Variants in HMMR observed in about 807,000 individuals in gnomAD.
HMMR encodes hyaluronan mediated motility receptor.
Under a neutral mutation model 101.0 loss-of-function variants are expected in HMMR, and 108 were observed. That is an observed-to-expected ratio of 1.07 (90% CI 0.92 to 1.25). The LOEUF (loss-of-function observed/expected upper bound fraction) is 1.25, where lower values mean the gene tolerates loss of function less well. Among genes scored for constraint, HMMR ranks in the 50% most tolerant of loss-of-function variants. The pLI is 0.00. For missense variants in HMMR, 813 were observed against 788.7 expected, an observed-to-expected ratio of 1.03 and a Z score of -0.37; for synonymous variants, 296 against 276.4, an observed-to-expected ratio of 1.07 and a Z score of -0.70.
At position 163,473,455 on chromosome 5, in the gene HMMR, G is replaced by A. The variant is rs754759215; in HGVS notation, c.802G>A (p.Glu268Lys). Residue 268 changes from glutamate (E) to lysine (K), a missense_variant, in exon 9 of 18, where the codon GAA becomes AAA. Coordinates refer to ENST00000393915, the MANE Select transcript of HMMR (RefSeq NM_001142556.2). The stretch of plus-strand genomic sequence containing the variant: ...AGAAAATTTGAAAGAGAAGAATGAT[G>A]AAATTTTAAGCCTTAAGCAGTCTCT... ...LEENLKEKND[E>K]ILSLKQSLEE... 9.3e-6 allele frequency: 15 copies of A among 1,607,380 alleles called. No individual in the cohort carries two copies. The Admixed American group carries it at 2.3e-4, about 25-fold the overall frequency.
At position 163,483,184 on chromosome 5, in the gene HMMR, T is replaced by G. The variant is rs1581200076; in HGVS notation, c.1685+12T>G. The G allele has an allele frequency of 6.2e-7, 1 of 1,608,152 alleles. No individual in the cohort carries two copies. Among genetic ancestry groups the G allele is most frequent in the Non-Finnish European group, 8.5e-7 (1 of 1,177,274 alleles). The stretch of plus-strand genomic sequence containing the variant: ...GATGAAGAAGGAAGGTAATCTATGA[T>G]TAGAACCTGAGTGCCTTGTTAACTC... On this transcript the variant is annotated intron_variant, in intron 14 of 17. Transcript: ENST00000393915.
intron 9 of HMMR, 124 bp downstream of exon 9, chr5:163,473,681 T>A: frequency 1.7e-6 from 1 of 582,988 alleles, no homozygotes; most frequent in Non-Finnish European, 2.9e-6. Flanking sequence ...TAAATATAAT[T>A]AGCTATATAG....
Position 163,469,795 on chromosome 5 carries a change from A to C in HMMR, c.428A>C (p.Glu143Ala). ...NNATLEKQLI[E>A]LTRTNELLKS... Reference sequence around the variant, plus strand: ...GCTACACTGGAAAAACAACTTATTGAATTGACCAGGACTAATGAACTACTA... The same window carrying C: ...GCTACACTGGAAAAACAACTTATTGCATTGACCAGGACTAATGAACTACTA... Residue 143 changes from glutamate to alanine, a missense_variant, in exon 5 of 18, where the codon GAA (glutamate) becomes GCA (alanine). Glu to Ala is a moderately radical substitution (Grantham distance 107, BLOSUM62 -1). Coordinates refer to ENST00000393915, the MANE Select transcript of HMMR (RefSeq NM_001142556.2). 1 of 1,610,754 alleles carries C rather than the reference A, an allele frequency of 6.2e-7. No individual in the cohort carries two copies. Among genetic ancestry groups the C allele is most frequent in the South Asian group, 1.1e-5 (1 of 91,008 alleles).
Position 163,490,536 on chromosome 5 carries a change from G to A in HMMR, c.2109G>A (p.Lys703=), listed in dbSNP as rs1759658351. 6.3e-7 allele frequency: 1 copy of A among 1,599,004 alleles called. No individual in the cohort carries two copies. The highest frequency in any genetic ancestry group is 8.5e-7 in the Non-Finnish European group (1 of 1,175,428). ...HHESKENFAL[K]TPLKEGNTNC... ...AAAGTAAAGAAAATTTTGCCCTGAA[G>A]ACCCCATTAAAAGAAGGTAAGACAT... is the stretch of plus-strand genomic sequence containing the variant. The change falls in exon 17 of 18, where the codon AAG becomes AAA. Residue 703 remains lysine, a synonymous_variant. Coordinates refer to ENST00000393915, the MANE Select transcript of HMMR (RefSeq NM_001142556.2).
chr5:163,462,279 TTGATGCTTAATGTGTATGAGGCACTGTGG>T (rs1487482213), intron 1 of HMMR, among the ~76,000 whole-genome samples: 1 of 151,960 alleles, frequency 6.6e-6, no homozygotes, highest in East Asian at 1.9e-4. Flanking sequence ...AATTATTAAT[TTGATGCTTAATGTGTATGAGGCACTGTGG>T]TGATTTTTCA....
chr5:163,490,773 A>G (rs748703716), intron 17 of HMMR, among the ~76,000 whole-genome samples: 2 of 152,170 alleles, frequency 1.3e-5, no homozygotes, highest in Non-Finnish European at 2.9e-5. Flanking sequence ...CAAATCTCAA[A>G]TCTTCCTTGA....
At position 163,467,683 on chromosome 5, in the gene HMMR, T is replaced by G; in HGVS notation, c.226-18T>G. ...TGACATCTAAATTTGCTTATAAGTTTTTTTGGCTTTTAAACAGAAGGAATC... is the reference window on the plus strand; with the variant it reads ...TGACATCTAAATTTGCTTATAAGTTGTTTTGGCTTTTAAACAGAAGGAATC... On this transcript the variant is annotated intron_variant, in intron 3 of 17. Transcript: ENST00000393915. 6.9e-7 allele frequency: 1 copy of G among 1,456,498 alleles called. No individual in the cohort carries two copies. Among genetic ancestry groups the G allele is most frequent in the Non-Finnish European group, 9.6e-7 (1 of 1,044,012 alleles). The allele number at this position is 1,456,498 out of a possible 1,614,324, so 90.2% of individuals were successfully genotyped here.
chr5:163,464,152 T>C (rs1480037624), intron 2 of HMMR, among the ~76,000 whole-genome samples, 198 bp downstream of exon 2: 1 of 152,188 alleles, frequency 6.6e-6, no homozygotes, highest in African/African-American at 2.4e-5. Context: ...CCAGGAAAAT[T>C]AAGCAAGATA....
chr5:163,464,607 C>G (rs921367649), intron 2 of HMMR, 116 bp from the exon 3 acceptor site: 4 of 716,522 alleles, frequency 5.6e-6, no homozygotes, highest in African/African-American at 5.4e-5. Context: ...GTGAGACTGT[C>G]TCAAAAAACA....
rs1378652318 is a variant in HMMR, at chr5:163,475,682, A to G, written c.1268+10A>G. ...AAGAAAAGCTGAAAGGGTTTGTATT[A>G]ATAGGATCTCATGTTTATGTATGAC... On this transcript the variant is annotated intron_variant, in intron 11 of 17. Coordinates refer to ENST00000393915, the MANE Select transcript of HMMR (RefSeq NM_001142556.2). 8.2e-6 allele frequency: 12 copies of G among 1,464,190 alleles called. No homozygotes were observed. The highest frequency in any genetic ancestry group is 1.8e-5 in the Admixed American group (1 of 55,222). 90.7% of individuals were successfully genotyped at this position (1,464,190 alleles called of 1,614,324 possible).
In HMMR at chr5:163,478,775, G is replaced by A. The variant is rs777330187; in HGVS notation, c.1360G>A (p.Glu454Lys). 1.7e-5 allele frequency: 28 copies of A among 1,607,496 alleles called. No homozygotes were observed. The South Asian group carries it at 2.7e-4, about 16-fold the overall frequency. ...GTATGACAGTATGGTGCAAAGCCTT[G>A]AAGATGTTACTGCTCAATTTGAAAG... The part of the protein sequence containing the change: ...EKYDSMVQSL[E>K]DVTAQFESYK... The change falls in exon 12 of 18, where the codon GAA (glutamate) becomes AAA (lysine). Residue 454 changes from glutamate (E) to lysine (K), a missense_variant. Glu to Lys is a moderately conservative substitution (Grantham distance 56). Transcript: ENST00000393915.
At chr5:163,465,677 G>C (rs1758680337) in intron 3 of HMMR, among the ~76,000 whole-genome samples, 1 of 152,078 alleles carries the variant, frequency 6.6e-6, no homozygotes, top group African/African-American at 2.4e-5. Context: ...AAGACAGCTG[G>C]GGGGCGCACA....
chr5:163,491,047 T>A, intron 17 of HMMR, 65 bp from the exon 18 acceptor site: 1 of 899,384 alleles, frequency 1.1e-6, no homozygotes, highest in Non-Finnish European at 1.7e-6. Flanking sequence ...TGTTTTTAGT[T>A]TATAATGATG....
chr5:163,485,345 A>G (rs977026454), intron 16 of HMMR, among the ~76,000 whole-genome samples: 1 of 152,142 alleles, frequency 6.6e-6, no homozygotes, highest in African/African-American at 2.4e-5. Flanking sequence ...AACATTTGTT[A>G]TTATCTGACT....
chr5:163,478,831 T>A, intron 12 of HMMR, 31 bp downstream of exon 12: 1 of 1,190,468 alleles, frequency 8.4e-7, no homozygotes, highest in South Asian at 1.2e-5. Flanking sequence ...CACTCTTAAA[T>A]ATGATGTGTG....
intron 10 of HMMR, 196 bp downstream of exon 10, chr5:163,474,401 T>A: frequency 5.4e-6 from 3 of 560,678 alleles, no homozygotes; most frequent in Non-Finnish European, 9.8e-6. Context: ...GGGTTATGAA[T>A]AATGTGGGAA....
chr5:163,483,611 TA>T (rs1431110199), intron 15 of HMMR, among the ~76,000 whole-genome samples: 7 of 151,800 alleles, frequency 4.6e-5, no homozygotes, highest in East Asian at 3.8e-4. Flanking sequence ...CTTTGTGGTT[TA>T]AAAAAAAACT....
intron 11 of HMMR, among the ~76,000 whole-genome samples, chr5:163,476,445 C>T (rs927470438): frequency 4.6e-5 from 7 of 152,138 alleles, no homozygotes; most frequent in Middle Eastern, 3.4e-3. Context: ...TACATTTTTC[C>T]GGGAGCACAA....
chr5:163,463,973 G>T lies in HMMR; in HGVS notation c.145+19G>T. 1.2e-6 allele frequency: 1 copy of T among 807,774 alleles called. No individual in the cohort carries two copies. The highest frequency in any genetic ancestry group is 1.9e-6 in the Non-Finnish European group (1 of 526,792). The allele number at this position is 807,774 out of a possible 1,614,324, so 50.0% of individuals were successfully genotyped here. ...CAAAAAGGTAATATAGATCACCAAA[G>T]AACAATGGTTATGTGATCTTATAAG... is the stretch of plus-strand genomic sequence containing the variant. On this transcript the variant is annotated intron_variant, in intron 2 of 17. Coordinates refer to ENST00000393915, the MANE Select transcript of HMMR (RefSeq NM_001142556.2).
Sources: allele counts gnomAD v4.1 joint callset (sites outside exome capture counted in the v4.1 genomes callset), GRCh38; gene constraint gnomAD v4.1.1; transcripts MANE v1.5; gene names NCBI Gene and HGNC (gene_info 2026-07-23, HGNC 2026-07-21).